Variants in DNAH9 observed in about 807,000 individuals in gnomAD.
The protein encoded by DNAH9 is dynein axonemal heavy chain 9.
In DNAH9, 345 loss-of-function variants were observed where a neutral mutation model predicts 471.6. The observed-to-expected ratio is 0.73, with a 90% CI of 0.67 to 0.80. The LOEUF is 0.80. DNAH9 is among the 30% of genes least tolerant of loss of function. DNAH9 has a pLI of 0.00. For synonymous variants in DNAH9, 2,093 were observed against 2,123.6 expected, an observed-to-expected ratio of 0.99 and a Z score of 0.40; for missense variants, 5,407 against 5,609.2, an observed-to-expected ratio of 0.96 and a Z score of 1.15.
intron 15 of DNAH9, 30 bp from the exon 16 acceptor site, chr17:11,669,034 T>A: frequency 6.6e-7 from 1 of 1,519,422 alleles, no homozygotes; most frequent in Non-Finnish European, 9.0e-7. Flanking sequence ...CCACTCTTTG[T>A]TTTGTTTGCT....
chr17:11,942,210 T>C, intron 66 of DNAH9, 93 bp from the exon 67 acceptor site: 1 of 1,498,040 alleles, frequency 6.7e-7, no homozygotes, highest in Non-Finnish European at 9.1e-7. Flanking sequence ...AGACGATGGG[T>C]GATTGGCATC....
chr17:11,756,973 A>G (rs928856832), intron 34 of DNAH9, among the ~76,000 whole-genome samples: 18 of 152,190 alleles, frequency 1.2e-4, no homozygotes, highest in Admixed American at 6.5e-5. Context: ...GCAAAATTGC[A>G]ACTCTATCCC....
intron 49 of DNAH9, among the ~76,000 whole-genome samples, chr17:11,844,462 A>T (rs1221252096): frequency 6.6e-6 from 1 of 152,082 alleles, no homozygotes; most frequent in African/African-American, 2.4e-5. Flanking sequence ...CTGGAGTGCA[A>T]TGGAGCGATC....
At chr17:11,853,530 T>A (rs756011420) in intron 49 of DNAH9, among the ~76,000 whole-genome samples, 3 of 152,198 alleles carry the variant, frequency 2.0e-5, no homozygotes, top group African/African-American at 7.2e-5. Context: ...AAATGCTGTT[T>A]TGCTATCAGG....
intron 6 of DNAH9, among the ~76,000 whole-genome samples, chr17:11,625,889 T>A (rs2072960648): frequency 1.3e-5 from 2 of 152,220 alleles, no homozygotes; most frequent in African/African-American, 4.8e-5. Context: ...ATCAGAGTGA[T>A]CATGGTTAAT....
intron 32 of DNAH9, among the ~76,000 whole-genome samples, chr17:11,750,988 AAGAT>A (rs1288210481): frequency 1.3e-5 from 2 of 152,112 alleles, no homozygotes; most frequent in African/African-American, 4.8e-5. Flanking sequence ...AAAGACCAAT[AAGAT>A]AAGTCTATTG....
chr17:11,737,549 C>T (rs1447574951), intron 28 of DNAH9, among the ~76,000 whole-genome samples: 1 of 152,176 alleles, frequency 6.6e-6, no homozygotes, highest in Non-Finnish European at 1.5e-5. Context: ...GTGGGCTAGC[C>T]TGAAAGTGTG....
At position 11,901,640 on chromosome 17, in the gene DNAH9, G is replaced by A. The variant is rs569638254; in HGVS notation, c.11407-1079G>A. The stretch of plus-strand genomic sequence containing the variant: ...GAATCCAGGAGGTGGAGGTTGCAGT[G>A]AGCCAAGATCATGCCACTGCGCTCC... On this transcript the variant is annotated intron_variant, in intron 59 of 68. Coordinates refer to ENST00000262442, the MANE Select transcript of DNAH9 (RefSeq NM_001372.4). 4.0e-4 allele frequency among the ~76,000 whole-genome samples: 61 copies of A among 152,284 alleles called. 1 individual carries two copies. Among genetic ancestry groups the A allele is most frequent in the African/African-American group, 1.4e-3 (60 of 41,548 alleles).
chr17:11,742,421 A>G, intron 30 of DNAH9, 108 bp downstream of exon 30: 8 of 1,138,132 alleles, frequency 7.0e-6, no homozygotes, highest in African/African-American at 1.5e-5. Flanking sequence ...TTTCTCATAG[A>G]AAGTCACTGT....
intron 59 of DNAH9, among the ~76,000 whole-genome samples, chr17:11,899,843 C>A (rs937962881): frequency 2.6e-5 from 4 of 152,166 alleles, no homozygotes; most frequent in Non-Finnish European, 5.9e-5. Flanking sequence ...GATGTCAAAT[C>A]TTATTAACTG....
At chr17:11,808,000 T>G (rs929498619) in intron 44 of DNAH9, 106 bp downstream of exon 44, 2 of 1,273,822 alleles carry the variant, frequency 1.6e-6, no homozygotes, top group African/African-American at 3.0e-5. Flanking sequence ...GAGCCTCCCC[T>G]TCAATGTCTG....
At chr17:11,642,539 C>T (rs531082434) in intron 10 of DNAH9, among the ~76,000 whole-genome samples, 7 of 151,944 alleles carry the variant, frequency 4.6e-5, no homozygotes, top group East Asian at 1.9e-4. Context: ...GCAACAAGAG[C>T]GAAACTCCAT....
At chr17:11,684,741 A>T (rs1290454941) in intron 19 of DNAH9, among the ~76,000 whole-genome samples, 2 of 152,144 alleles carry the variant, frequency 1.3e-5, no homozygotes, top group East Asian at 3.9e-4. Context: ...TTTCTTGAAG[A>T]TATCTTCCAT....
chr17:11,679,957 A>G lies in DNAH9; in HGVS notation c.3554A>G (p.Glu1185Gly), dbSNP rs1273884024. ...LLKTYEQELP[E>G]TVFKQLEELP... ...AAGACCTATGAACAAGAATTGCCAG[A>G]AACAGTGTTTAAGCAGCTGGAGGTC... Residue 1185 changes from glutamate to glycine, a missense_variant, in exon 18 of 69, where the codon GAA becomes GGA. Glu to Gly is a moderately conservative substitution (Grantham distance 98). Transcript: ENST00000262442. 1 of 1,613,928 alleles carries G rather than the reference A, an allele frequency of 6.2e-7. No individual in the cohort carries two copies. The highest frequency in any genetic ancestry group is 1.3e-5 in the African/African-American group (1 of 74,932).
Position 11,892,769 on chromosome 17 carries a change from G to A in DNAH9, c.11283+822G>A, listed in dbSNP as rs556774947. Among the ~76,000 whole-genome samples, 6 of 152,102 alleles carry A rather than the reference G, an allele frequency of 3.9e-5. No homozygotes were observed. Among genetic ancestry groups the A allele is most frequent in the Non-Finnish European group, 5.9e-5 (4 of 68,000 alleles). ...GGGTTTCACCATATTGGCCAGGCTC[G>A]TCTCAAACTCCTGACCTCAGGTGAT... is the stretch of plus-strand genomic sequence containing the variant. On this transcript the variant is annotated intron_variant, in intron 58 of 68. Transcript: ENST00000262442. The surrounding 1 kb of genome is among the most constrained non-coding windows in gnomAD (Gnocchi z 4.3).
chr17:11,798,412 G>A (rs538333937), intron 43 of DNAH9, among the ~76,000 whole-genome samples: 4 of 119,802 alleles, frequency 3.3e-5, no homozygotes, highest in East Asian at 2.4e-4. Context: ...CAGCCTGGGC[G>A]ACAGAGCAAG....
chr17:11,969,498 G>GC lies in DNAH9; in HGVS notation c.13433dup (p.Gly4479TrpfsTer27), dbSNP rs1398168664. On this transcript the variant is annotated frameshift_variant, in exon 69 of 69. Coordinates refer to ENST00000262442, the MANE Select transcript of DNAH9 (RefSeq NM_001372.4). LOFTEE classifies it high-confidence loss of function. ...GGAAAACCCATCCAAGTGGGTTCTGGCTGGAGTAGCCTTGCTTCTCCAGAT... is the reference window on the plus strand; with the variant it reads ...GGAAAACCCATCCAAGTGGGTTCTGGCCTGGAGTAGCCTTGCTTCTCCAGAT... 3 of 1,613,278 alleles carry GC rather than the reference G, an allele frequency of 1.9e-6. No homozygotes were observed. Among genetic ancestry groups the GC allele is most frequent in the Non-Finnish European group, 2.5e-6 (3 of 1,179,928 alleles).
rs370785728 is a variant in DNAH9, at chr17:11,694,617, GCTTT to G, written c.4872+174_4872+177del. Among the ~76,000 whole-genome samples the G allele has an allele frequency of 1.9e-3, 10 of 5,212 alleles. 4 individuals carry two copies. The South Asian group carries it at 0.13, about 69-fold the overall frequency. 3.4% of individuals were successfully genotyped at this position (5,212 alleles called of 152,430 possible). A position where few individuals can be genotyped will look rare whatever the true frequency, so the allele number is the denominator to read the frequency against. On this transcript the variant is annotated intron_variant, in intron 22 of 68. Transcript: ENST00000262442. ...TACCTCGGAGCTTTCTTGCTTTCTT[GCTTT>G]CTTGCTTTCTTGCTTTCTTGCTTTC...
chr17:11,843,863 G>GTGTGTGTGTGTGTGTATATATATA (rs1253794533), intron 49 of DNAH9, among the ~76,000 whole-genome samples: 9 of 46,468 alleles, frequency 1.9e-4, no homozygotes, highest in Non-Finnish European at 3.3e-4. Context: ...GTGTGTGTGT[G>GTGTGTGTGTGTGTGTATATATATA]TATATATATA....
Sources: allele counts gnomAD v4.1 joint callset (sites outside exome capture counted in the v4.1 genomes callset), GRCh38; gene constraint gnomAD v4.1.1; non-coding constraint Gnocchi (gnomAD v3.1); transcripts MANE v1.5; gene names NCBI Gene and HGNC (gene_info 2026-07-23, HGNC 2026-07-21).